The following UBN2 variants were observed in gnomAD, a reference collection of about 807,000 sequenced individuals.
UBN2 encodes the protein ubinuclein-2.
A neutral mutation model predicts 120.2 loss-of-function variants in UBN2; 35 were observed. The observed-to-expected ratio is 0.29, with a 90% confidence interval of 0.22 to 0.39. UBN2 has a LOEUF of 0.39. Ranked by LOEUF, UBN2 falls within the 10% of genes least tolerant of loss-of-function variation. UBN2 has a pLI of 1.00. For synonymous variants in UBN2, 661 were observed against 648.7 expected, an observed-to-expected ratio of 1.02 and a Z score of -0.29; for missense variants, 1,693 against 1,663.2, an observed-to-expected ratio of 1.02 and a Z score of -0.31.
chr7:139,250,618 C>T (rs1481993789), intron 2 of UBN2, among the ~76,000 whole-genome samples: 2 of 151,830 alleles, frequency 1.3e-5, no homozygotes, highest in African/African-American at 4.8e-5. Context: ...ATCCCATGTG[C>T]CTGTTGAACC....
chr7:139,256,170 GA>G (rs940984626), intron 3 of UBN2, among the ~76,000 whole-genome samples: 2 of 152,088 alleles, frequency 1.3e-5, no homozygotes, highest in Non-Finnish European at 2.9e-5. Context: ...AAGCTCAGCA[GA>G]ATACTGCATA....
chr7:139,279,230 A>G (rs780468378), intron 12 of UBN2, 88 bp from the exon 13 acceptor site: 19 of 1,048,190 alleles, frequency 1.8e-5, no homozygotes, highest in Non-Finnish European at 2.6e-5. Flanking sequence ...AGAAGGAATT[A>G]TTTACCACAT....
intron 5 of UBN2, among the ~76,000 whole-genome samples, chr7:139,260,365 T>G (rs1387179142): frequency 6.6e-6 from 1 of 152,214 alleles, no homozygotes; most frequent in Non-Finnish European, 1.5e-5. Flanking sequence ...CCGAAAGTGC[T>G]GAGATTACAG....
the UBN2 span, among the ~76,000 whole-genome samples, chr7:139,327,419 G>GA: frequency 1.3e-5 from 2 of 152,218 alleles, no homozygotes; most frequent in Non-Finnish European, 2.9e-5. Flanking sequence ...AATTTATAAA[G>GA]AAAAGAAATT....
rs976994977 is a variant in UBN2, at chr7:139,303,881, T to G, written c.*6045T>G. ...GAGAAATAACACTAAGTTTAAGTAG[T>G]TTTTTTTAGCCTTTTACGGTGTTAC... On this transcript the variant is annotated 3_prime_UTR_variant, in exon 18 of 18. Transcript: ENST00000473989. The G allele has an allele frequency of 1.3e-5, 2 of 151,968 alleles. No homozygotes were observed. The highest frequency in any genetic ancestry group is 2.4e-5 in the African/African-American group (1 of 41,370). 9.4% of individuals were successfully genotyped at this position (151,968 alleles called of 1,614,324 possible).
chr7:139,259,504 T>C, intron 5 of UBN2, 134 bp downstream of exon 5: 2 of 1,195,630 alleles, frequency 1.7e-6, no homozygotes, highest in Non-Finnish European at 2.3e-6. Context: ...TATTAGTGAC[T>C]TATGTTTAAT....
chr7:139,272,522 G>A, intron 9 of UBN2, 82 bp downstream of exon 9: 1 of 841,814 alleles, frequency 1.2e-6, no homozygotes, highest in Non-Finnish European at 1.8e-6. Flanking sequence ...ATGTATGTAT[G>A]TATGTATGTA....
At position 139,231,899 on chromosome 7, in the gene UBN2, G is replaced by A; in HGVS notation, c.415G>A (p.Glu139Lys). 2 of 1,587,882 alleles carry A rather than the reference G, an allele frequency of 1.3e-6. No homozygotes were observed. The highest frequency in any genetic ancestry group is 2.2e-5 in the South Asian group (2 of 90,730). ...LELVLKDPTD[E>K]SCVEFSYPEL... ...GCTGGTGCTTAAGGACCCCACCGAC[G>A]AGAGCTGCGTGGAGTTCAGTTACCC... Residue 139 changes from glutamate (E) to lysine (K), a missense_variant, in exon 1 of 18, where the codon GAG becomes AAG. Coordinates refer to ENST00000473989, the MANE Select transcript of UBN2 (RefSeq NM_173569.4).
Position 139,269,462 on chromosome 7 carries a change from T to C in UBN2, c.1535T>C (p.Phe512Ser). 1.2e-6 allele frequency: 2 copies of C among 1,614,182 alleles called. No individual in the cohort carries two copies. Among genetic ancestry groups the C allele is most frequent in the Non-Finnish European group, 1.7e-6 (2 of 1,180,038 alleles). ...RSGVYSHLEA[F>S]VPCNKETLVK... ...GGTGTCTACTCCCACCTTGAAGCTT[T>C]TGTGCCATGCAATAAAGAAACACTA... Residue 512 changes from phenylalanine (F) to serine (S), a missense_variant, in exon 8 of 18, where the codon TTT becomes TCT. Phe to Ser is a radical substitution (Grantham distance 155). Transcript: ENST00000473989.
At chr7:139,294,506 T>A (rs1244413120) in intron 17 of UBN2, among the ~76,000 whole-genome samples, 1 of 152,186 alleles carries the variant, frequency 6.6e-6, no homozygotes, top group Admixed American at 6.5e-5. Flanking sequence ...TGGCCTGTAT[T>A]CTTAGTGATT....
chr7:139,234,242 C>G (rs999678419), intron 1 of UBN2, among the ~76,000 whole-genome samples: 6 of 151,972 alleles, frequency 3.9e-5, no homozygotes, highest in South Asian at 4.2e-4. Flanking sequence ...CCATCTATCA[C>G]TAAATAAGAT....
chr7:139,316,539 G>T, the UBN2 span, among the ~76,000 whole-genome samples: 4 of 152,100 alleles, frequency 2.6e-5, no homozygotes, highest in Non-Finnish European at 5.9e-5. Context: ...AGGCCAAGGC[G>T]GGCAGATCAG....
intron 16 of UBN2, 169 bp downstream of exon 16, chr7:139,293,632 T>C: frequency 3.0e-6 from 2 of 656,526 alleles, no homozygotes; most frequent in Non-Finnish European, 2.6e-6. Context: ...TATTGGACAC[T>C]GGGGTTTTAT....
chr7:139,293,542 G>T, intron 16 of UBN2, 79 bp downstream of exon 16: 4 of 1,170,264 alleles, frequency 3.4e-6, no homozygotes, highest in Non-Finnish European at 5.0e-6. Flanking sequence ...CTAATTAAGA[G>T]TAGTCCAGTT....
chr7:139,282,949 TTTAG>T, intron 14 of UBN2, 71 bp from the exon 15 acceptor site: 1 of 1,192,832 alleles, frequency 8.4e-7, no homozygotes, highest in Non-Finnish European at 1.1e-6. Flanking sequence ...ATGAGAATCT[TTTAG>T]TTATTTAAAA....
chr7:139,258,381 G>T, intron 3 of UBN2, 107 bp from the exon 4 acceptor site: 1 of 759,698 alleles, frequency 1.3e-6, no homozygotes, highest in Non-Finnish European at 1.9e-6. Context: ...AGTCTGTGTT[G>T]CAGTTAGGAT....
chr7:139,262,188 C>G (rs1796958205), intron 6 of UBN2, among the ~76,000 whole-genome samples: 1 of 152,044 alleles, frequency 6.6e-6, no homozygotes, highest in African/African-American at 2.4e-5. Flanking sequence ...CAACTTCTGC[C>G]TATTAGGTTC....
At chr7:139,265,898 T>C (rs140561436) in intron 6 of UBN2, among the ~76,000 whole-genome samples, 109 of 152,310 alleles carry the variant, frequency 7.2e-4, no homozygotes, top group Non-Finnish European at 1.3e-3. Flanking sequence ...GACTTTGGAC[T>C]GAGGAAGGAT....
intron 8 of UBN2, among the ~76,000 whole-genome samples, chr7:139,271,402 C>T (rs1797270399): frequency 6.6e-6 from 1 of 152,066 alleles, no homozygotes; most frequent in African/African-American, 2.4e-5. Flanking sequence ...GCCTGGCCAA[C>T]ATGGCAAAAC....
Sources: allele counts gnomAD v4.1 joint callset (sites outside exome capture counted in the v4.1 genomes callset), GRCh38; gene constraint gnomAD v4.1.1; transcripts MANE v1.5; gene names NCBI Gene and HGNC (gene_info 2026-07-23, HGNC 2026-07-21).